Variants in ZNF423 observed in about 807,000 individuals in gnomAD.
The protein encoded by ZNF423 is zinc finger protein 423.
A neutral mutation model predicts 95.8 loss-of-function variants in ZNF423; 12 were observed. The observed-to-expected ratio is 0.13, with a 90% CI of 0.08 to 0.20. The LOEUF is 0.20. ZNF423 is among the 10% of genes least tolerant of loss of function. The pLI, the probability that ZNF423 is intolerant of heterozygous loss-of-function variation, is 1.00. For synonymous variants in ZNF423, 749 were observed against 711.9 expected (o/e 1.05, Z -0.83); for missense variants, 1,316 against 1,737.1 (o/e 0.76, Z 4.31).
intron 2 of ZNF423, among the ~76,000 whole-genome samples, chr16:49,774,203 G>A (rs2034082526): frequency 6.6e-6 from 1 of 152,160 alleles, no homozygotes; most frequent in Admixed American, 6.5e-5. Flanking sequence ...ACCTCTCTTT[G>A]CTTCCTCTTT....
At chr16:49,794,616 G>A (rs1239486444) in intron 1 of ZNF423, among the ~76,000 whole-genome samples, 1 of 152,208 alleles carries the variant, frequency 6.6e-6, no homozygotes, top group Non-Finnish European at 1.5e-5. Context: ...GAGTGGCCCA[G>A]GTCACATGGC....
intron 7 of ZNF423, among the ~76,000 whole-genome samples, chr16:49,500,079 T>G (rs1327290810): frequency 6.6e-6 from 1 of 152,070 alleles, no homozygotes; most frequent in East Asian, 1.9e-4. Context: ...AATGAGAGTT[T>G]TATGGCTGTT....
chr16:49,512,080 A>G (rs1385228831), intron 7 of ZNF423, among the ~76,000 whole-genome samples: 2 of 152,146 alleles, frequency 1.3e-5, no homozygotes, highest in Admixed American at 1.3e-4. Context: ...ATTATATTCC[A>G]CAAACACATA....
intron 7 of ZNF423, 88 bp downstream of exon 7, chr16:49,523,536 C>T: frequency 8.8e-7 from 1 of 1,131,274 alleles, no homozygotes; most frequent in East Asian, 2.4e-5. Flanking sequence ...TAAGACTCCA[C>T]CAGCTTGCCT....
At chr16:49,762,277 C>A (rs2033845864) in intron 2 of ZNF423, among the ~76,000 whole-genome samples, 1 of 152,194 alleles carries the variant, frequency 6.6e-6, no homozygotes, top group South Asian at 2.1e-4. Flanking sequence ...TGGTGCACGT[C>A]CCCCAGCGCC....
At chr16:49,814,375 G>A (rs1597033751) in intron 1 of ZNF423, among the ~76,000 whole-genome samples, 1 of 151,800 alleles carries the variant, frequency 6.6e-6, no homozygotes, top group Non-Finnish European at 1.5e-5. Flanking sequence ...GGGCAAGCAG[G>A]ACAGGGGTGG....
At chr16:49,685,576 G>A (rs916855566) in intron 3 of ZNF423, among the ~76,000 whole-genome samples, 2 of 152,222 alleles carry the variant, frequency 1.3e-5, no homozygotes, top group Non-Finnish European at 2.9e-5. Context: ...TGTTCACCTC[G>A]ATGCCCAAGC....
intron 2 of ZNF423, among the ~76,000 whole-genome samples, chr16:49,776,632 G>A (rs2034125894): frequency 1.3e-5 from 2 of 152,214 alleles, no homozygotes; most frequent in Non-Finnish European, 2.9e-5. Context: ...GGTGTAAAAT[G>A]AAGTCACATG....
intron 5 of ZNF423, among the ~76,000 whole-genome samples, chr16:49,581,096 C>T (rs1567481849): frequency 6.6e-6 from 1 of 152,202 alleles, no homozygotes; most frequent in Non-Finnish European, 1.5e-5. Flanking sequence ...CACATACTCA[C>T]CACCCGCTCC....
chr16:49,520,307 T>C (rs1383334726), intron 7 of ZNF423, among the ~76,000 whole-genome samples: 1 of 152,248 alleles, frequency 6.6e-6, no homozygotes, highest in Non-Finnish European at 1.5e-5. Flanking sequence ...TCTAAACTCC[T>C]TTGAATTAAT....
intron 2 of ZNF423, among the ~76,000 whole-genome samples, chr16:49,738,547 A>G (rs2033343443): frequency 6.6e-6 from 1 of 152,138 alleles, no homozygotes; most frequent in African/African-American, 2.4e-5. Context: ...GGCCACTATG[A>G]GACAGGCACA....
At chr16:49,697,773 T>G (rs2032027744) in intron 3 of ZNF423, among the ~76,000 whole-genome samples, 1 of 152,356 alleles carries the variant, frequency 6.6e-6, no homozygotes, top group Middle Eastern at 3.4e-3. Flanking sequence ...GTGCACGTTG[T>G]CAGTGACACA....
At chr16:49,676,842 T>A (rs1002199914) in intron 3 of ZNF423, among the ~76,000 whole-genome samples, 10 of 152,252 alleles carry the variant, frequency 6.6e-5, no homozygotes, top group African/African-American at 2.4e-4. Context: ...GTGGGGATGG[T>A]GGACTTAGCG....
chr16:49,729,536 A>T (rs1158917946), intron 3 of ZNF423, among the ~76,000 whole-genome samples: 1 of 152,092 alleles, frequency 6.6e-6, no homozygotes, highest in Non-Finnish European at 1.5e-5. Context: ...ATTGAAAATT[A>T]ACCATCACCT....
At chr16:49,625,748 G>A (rs1972238564) in intron 5 of ZNF423, among the ~76,000 whole-genome samples, 1 of 152,244 alleles carries the variant, frequency 6.6e-6, no homozygotes, top group Non-Finnish European at 1.5e-5. Flanking sequence ...AATGGGAAAA[G>A]TACTGAAATA....
intron 5 of ZNF423, among the ~76,000 whole-genome samples, chr16:49,554,006 C>T (rs1969735719): frequency 6.6e-6 from 1 of 152,180 alleles, no homozygotes; most frequent in Non-Finnish European, 1.5e-5. Context: ...GAGGGGACTC[C>T]CAACTGCCCC....
At chr16:49,524,425 C>T (rs913911526) in intron 6 of ZNF423, among the ~76,000 whole-genome samples, 2 of 152,202 alleles carry the variant, frequency 1.3e-5, no homozygotes, top group Non-Finnish European at 2.9e-5. Context: ...TCAGTGCCAG[C>T]CTCAGAGTGT....
chr16:49,648,428 G>T (rs375790973), intron 3 of ZNF423, among the ~76,000 whole-genome samples: 9 of 144,256 alleles, frequency 6.2e-5, no homozygotes, highest in African/African-American at 2.3e-4. Flanking sequence ...GATCACCTGA[G>T]GTCGGGAGTT....
chr16:49,731,196 T>C (rs2033159538), intron 2 of ZNF423: 1 of 554,654 alleles, frequency 1.8e-6, no homozygotes, highest in African/African-American at 2.0e-5. Context: ...TCTAGGGGGA[T>C]TTCCTGTCAT....
Sources: gnomAD v4.1 joint callset for allele counts (sites outside exome capture counted in the v4.1 genomes callset) on GRCh38, gnomAD v4.1.1 for gene constraint, MANE v1.5 for transcripts, NCBI Gene and HGNC (gene_info 2026-07-23, HGNC 2026-07-21) for gene names.